Variants in INPP4B observed in about 807,000 individuals in gnomAD.
The protein encoded by INPP4B is inositol polyphosphate-4-phosphatase type II B, also known as inositol polyphosphate 4-phosphatase type II.
A neutral mutation model predicts 122.5 loss-of-function variants in INPP4B; 55 were observed. That is an observed-to-expected ratio of 0.45 (90% CI 0.36 to 0.56). The LOEUF (loss-of-function observed/expected upper bound fraction) is 0.56. Among genes scored for constraint, INPP4B ranks in the 20% least tolerant of loss-of-function variants. INPP4B has a pLI of 0.00. For synonymous variants in INPP4B, 403 were observed against 388.7 expected (o/e 1.04, Z -0.43); for missense variants, 1,000 against 1,097.7 (o/e 0.91, Z 1.26).
intron 12 of INPP4B, among the ~76,000 whole-genome samples, chr4:142,227,585 G>T (rs963081832): frequency 2.0e-5 from 3 of 151,774 alleles, no homozygotes; most frequent in Non-Finnish European, 2.9e-5. Context: ...ATTAGGCCAG[G>T]CATGGTAACT....
At chr4:142,511,315 A>T (rs59784151) in intron 2 of INPP4B, among the ~76,000 whole-genome samples, 25,578 of 152,084 alleles carry the variant, frequency 0.17, 2,413 homozygotes, top group East Asian at 0.39. Flanking sequence ...ACTAAAAAAA[A>T]ATTATTATAA....
chr4:142,775,775 T>C (rs1773808352), intron 1 of INPP4B, among the ~76,000 whole-genome samples: 1 of 152,136 alleles, frequency 6.6e-6, no homozygotes, highest in South Asian at 2.1e-4. Context: ...TAGAAGTCCA[T>C]TATCAGATAT....
At chr4:142,528,083 A>G (rs894447285) in intron 2 of INPP4B, among the ~76,000 whole-genome samples, 1 of 152,088 alleles carries the variant, frequency 6.6e-6, no homozygotes, top group Non-Finnish European at 1.5e-5. Context: ...CTTGGCCCTT[A>G]AACACACATT....
intron 18 of INPP4B, among the ~76,000 whole-genome samples, chr4:142,138,368 AC>A (rs1172650868): frequency 8.3e-6 from 1 of 120,674 alleles, no homozygotes; most frequent in Non-Finnish European, 1.6e-5. Context: ...GGGGAACATC[AC>A]ACTCTGGGGA....
intron 2 of INPP4B, among the ~76,000 whole-genome samples, chr4:142,712,418 T>G (rs1203350190): frequency 1.3e-5 from 2 of 152,214 alleles, no homozygotes; most frequent in Non-Finnish European, 2.9e-5. Context: ...TACCTATACA[T>G]GAGCCTGGAT....
chr4:142,266,511 T>C (rs1022675612), intron 10 of INPP4B, among the ~76,000 whole-genome samples: 1 of 152,168 alleles, frequency 6.6e-6, no homozygotes, highest in Admixed American at 6.5e-5. Flanking sequence ...GTTGGATAAA[T>C]ACCATCTTCC....
intron 1 of INPP4B, among the ~76,000 whole-genome samples, chr4:142,818,161 T>G (rs1195199161): frequency 1.3e-5 from 2 of 152,162 alleles, no homozygotes; most frequent in Non-Finnish European, 1.5e-5. Context: ...TATGAAAAAG[T>G]GTGAGAGAAG....
intron 2 of INPP4B, among the ~76,000 whole-genome samples, chr4:142,544,482 C>T (rs1439678838): frequency 6.6e-6 from 1 of 151,896 alleles, no homozygotes; most frequent in Admixed American, 6.6e-5. Context: ...CACGGGGTTG[C>T]CATCACATGA....
chr4:142,430,750 A>G (rs963323943), intron 4 of INPP4B, among the ~76,000 whole-genome samples: 1 of 152,030 alleles, frequency 6.6e-6, no homozygotes, highest in Non-Finnish European at 1.5e-5. Context: ...TTTTTTCTTA[A>G]TGCTTTCAAC....
chr4:142,157,938 C>T (rs552694153), intron 17 of INPP4B, among the ~76,000 whole-genome samples: 52 of 152,148 alleles, frequency 3.4e-4, no homozygotes, highest in African/African-American at 1.2e-3. Flanking sequence ...CCCACCCACC[C>T]TCACATCTTC....
intron 10 of INPP4B, among the ~76,000 whole-genome samples, chr4:142,267,615 T>A (rs1743469129): frequency 6.6e-6 from 1 of 152,032 alleles, no homozygotes. Flanking sequence ...ACTATAAAAG[T>A]ACTAGGAAGA....
At chr4:142,648,945 G>A (rs144673447) in intron 2 of INPP4B, among the ~76,000 whole-genome samples, 9,219 of 152,190 alleles carry the variant, frequency 0.061, 327 homozygotes, top group South Asian at 0.1. Context: ...CTCCCAGTAG[G>A]GGCCGACAGA....
chr4:142,567,150 G>A (rs1476010224), intron 2 of INPP4B, among the ~76,000 whole-genome samples: 1 of 152,192 alleles, frequency 6.6e-6, no homozygotes, highest in African/African-American at 2.4e-5. Context: ...AGAGCAGTCA[G>A]GAGCTAGAGT....
At chr4:142,534,618 ATATATT>A (rs1218163184) in intron 2 of INPP4B, among the ~76,000 whole-genome samples, 2 of 151,674 alleles carry the variant, frequency 1.3e-5, no homozygotes, top group African/African-American at 4.8e-5. Flanking sequence ...ACAAATGCCT[ATATATT>A]TATAAGTATA....
chr4:142,116,859 G>A (rs1168371860), intron 21 of INPP4B, among the ~76,000 whole-genome samples: 3 of 151,886 alleles, frequency 2.0e-5, no homozygotes, highest in South Asian at 2.1e-4. Flanking sequence ...TTCAAAAAAA[G>A]CAATGAATCC....
At chr4:142,182,523 G>A (rs1561404944) in intron 15 of INPP4B, among the ~76,000 whole-genome samples, 1 of 136,532 alleles carries the variant, frequency 7.3e-6, no homozygotes, top group Non-Finnish European at 1.5e-5. Context: ...ACTCCAGCCT[G>A]GTGACAGAGC....
chr4:142,342,894 C>G (rs765229545), intron 7 of INPP4B, among the ~76,000 whole-genome samples: 1 of 151,960 alleles, frequency 6.6e-6, no homozygotes, highest in Non-Finnish European at 1.5e-5. Context: ...TAAATTATTA[C>G]TTATGTGGAT....
In INPP4B at chr4:142,828,817, C is replaced by T. The variant is rs151200654; in HGVS notation, c.-254+17392G>A. Among the ~76,000 whole-genome samples the T allele has an allele frequency of 8.2e-3, 1,251 of 151,698 alleles. 11 individuals are homozygous for T. Among genetic ancestry groups the T allele is most frequent in the African/African-American group, 0.024 (983 of 41,320 alleles). On this transcript the variant is annotated intron_variant, in intron 1 of 25. Transcript: ENST00000262992. Reference sequence around the variant, plus strand: ...ACAGAATTAAAATTCAAAAAAGGAGCAAGAAGTATCAAAAATGACTAGACA... The same window carrying T: ...ACAGAATTAAAATTCAAAAAAGGAGTAAGAAGTATCAAAAATGACTAGACA...
At chr4:142,775,566 G>T (rs1346319323) in intron 1 of INPP4B, among the ~76,000 whole-genome samples, 3 of 142,174 alleles carry the variant, frequency 2.1e-5, no homozygotes, top group Non-Finnish European at 4.6e-5. Flanking sequence ...ATGGAGATGG[G>T]GTCTCACTGT....
Sources: allele counts gnomAD v4.1 joint callset (sites outside exome capture counted in the v4.1 genomes callset), GRCh38; gene constraint gnomAD v4.1.1; transcripts MANE v1.5; gene names NCBI Gene and HGNC (gene_info 2026-07-23, HGNC 2026-07-21).